The following RAB7B variants were observed in gnomAD, a reference collection of about 807,000 sequenced individuals.
RAB7B encodes RAB7B, member RAS oncogene family, also known as ras-related protein Rab-7b.
At chr1:205,988,567 A>T (rs1660658999) in intron 4 of RAB7B, among the ~76,000 whole-genome samples, 1 of 152,092 alleles carries the variant, frequency 6.6e-6, no homozygotes, top group Admixed American at 6.5e-5. Context: ...TTTTCTTCTT[A>T]TTAGGTAGGA....
chr1:206,001,002 C>G (rs1232437589), intron 1 of RAB7B, among the ~76,000 whole-genome samples: 1 of 152,216 alleles, frequency 6.6e-6, no homozygotes, highest in Non-Finnish European at 1.5e-5. Flanking sequence ...TGGTTCCTTT[C>G]CCCTAGATGC....
At chr1:205,993,630 G>T (rs1388155825) in intron 2 of RAB7B, 84 bp from the exon 3 acceptor site, 3 of 397,218 alleles carry the variant, frequency 7.6e-6, no homozygotes, top group Non-Finnish European at 1.3e-5. Flanking sequence ...AATCTTCCCA[G>T]GCCCCTCTTG....
At chr1:205,991,972 T>G (rs1481079980) in intron 4 of RAB7B, among the ~76,000 whole-genome samples, 1 of 152,196 alleles carries the variant, frequency 6.6e-6, no homozygotes, top group Non-Finnish European at 1.5e-5. Context: ...ATACAAAAAT[T>G]ATTACTTCCC....
In RAB7B at chr1:205,997,934, A is replaced by G. The variant is rs1660829914; in HGVS notation, c.-16-3783T>C. ...TGCAGTGGGCTGTGCTAAGTATTCT[A>G]CCGAGGGCAGGCCATCTTCACTATT... On this transcript the variant is annotated intron_variant, in intron 1 of 5. Coordinates refer to ENST00000617070, the MANE Select transcript of RAB7B (RefSeq NM_001164522.3). Among the ~76,000 whole-genome samples, 6 of 152,380 alleles carry G rather than the reference A, an allele frequency of 3.9e-5. No homozygotes were observed. In the South Asian group the frequency reaches 1.2e-3, roughly 32 times the overall value.
At chr1:206,001,275 G>A (rs1485729117) in intron 1 of RAB7B, among the ~76,000 whole-genome samples, 3 of 131,804 alleles carry the variant, frequency 2.3e-5, no homozygotes, top group African/African-American at 3.3e-5. Context: ...GGCAGTAGCC[G>A]TCTTTTTTTT....
At chr1:205,990,303 C>T (rs1262631321) in intron 4 of RAB7B, among the ~76,000 whole-genome samples, 1 of 152,210 alleles carries the variant, frequency 6.6e-6, no homozygotes. Flanking sequence ...AGAGGAGGAA[C>T]AGTTAAGGAC....
At position 205,992,453 on chromosome 1, in the gene RAB7B, T is replaced by C. The variant is rs36166614; in HGVS notation, c.396+27A>G. 5.7e-3 allele frequency: 2,257 copies of C among 398,678 alleles called. 36 individuals are homozygous for C. The Middle Eastern group carries it at 0.076, about 13-fold the overall frequency. The allele number at this position is 398,678 out of a possible 1,614,324, so 24.7% of individuals were successfully genotyped here. On this transcript the variant is annotated intron_variant, in intron 4 of 5. Transcript: ENST00000617070. ...ATAGTGGGTGCTCATATAATGTTTG[T>C]TGAATGAATAAATGAACGAACAGTA...
At chr1:205,989,808 C>T (rs932512946) in intron 4 of RAB7B, among the ~76,000 whole-genome samples, 3 of 152,152 alleles carry the variant, frequency 2.0e-5, no homozygotes, top group Non-Finnish European at 4.4e-5. Flanking sequence ...TGGTACCCTA[C>T]GGAGACCCCA....
At chr1:205,990,897 C>T (rs1660710355) in intron 4 of RAB7B, among the ~76,000 whole-genome samples, 1 of 149,860 alleles carries the variant, frequency 6.7e-6, no homozygotes, top group Non-Finnish European at 1.5e-5. Context: ...AAGCGATTCT[C>T]CTGCCTCATC....
At position 205,985,046 on chromosome 1, in the gene RAB7B, C is replaced by A. The variant is rs958997715; in HGVS notation, c.522+494G>T. On this transcript the variant is annotated intron_variant, in intron 5 of 5. Coordinates refer to ENST00000617070, the MANE Select transcript of RAB7B (RefSeq NM_001164522.3). ...CTCTTGAGACAGAGGGTCCTGAGGC[C>A]TGTACAGTGCCTGCCACACACTCAA... 1.3e-3 allele frequency among the ~76,000 whole-genome samples: 193 copies of A among 152,328 alleles called. 2 individuals are homozygous for A. Among genetic ancestry groups the A allele is most frequent in the Non-Finnish European group, 6.6e-4 (45 of 68,036 alleles).
At chr1:205,996,568 T>C (rs1660816078) in intron 1 of RAB7B, among the ~76,000 whole-genome samples, 1 of 152,188 alleles carries the variant, frequency 6.6e-6, no homozygotes, top group Non-Finnish European at 1.5e-5. Flanking sequence ...CTGGACCTCA[T>C]TGGCCATGAG....
chr1:205,977,435 C>T lies in RAB7B; in HGVS notation c.*1416G>A, dbSNP rs1182277751. On this transcript the variant is annotated 3_prime_UTR_variant, in exon 6 of 6. Coordinates refer to ENST00000617070, the MANE Select transcript of RAB7B (RefSeq NM_001164522.3). ...AGGCTTAAGAAATTGGAATTCTCTG[C>T]CTTACAAATCCCAAAGGGCTAAACA... is the stretch of plus-strand genomic sequence containing the variant. 1 of 152,194 alleles carries T rather than the reference C, an allele frequency of 6.6e-6. No homozygotes were observed. The highest frequency in any genetic ancestry group is 1.5e-5 in the Non-Finnish European group (1 of 68,038). 9.4% of individuals were successfully genotyped at this position (152,194 alleles called of 1,614,324 possible).
At chr1:205,987,919 G>GT (rs1367498425) in intron 4 of RAB7B, among the ~76,000 whole-genome samples, 10 of 151,596 alleles carry the variant, frequency 6.6e-5, no homozygotes, top group Admixed American at 6.6e-4. Flanking sequence ...GTTTTGTTTT[G>GT]TTTTTGGAGA....
rs939671057 is a variant in RAB7B at position 206,001,511 on chromosome 1, G to A, written c.-17+1742C>T. Among the ~76,000 whole-genome samples the A allele has an allele frequency of 1.7e-4, 26 of 152,212 alleles. 1 individual carries two copies. The South Asian group carries it at 4.4e-3, about 26-fold the overall frequency. ...GTAAAAAGTGTAGTGTTGTCACTAA[G>A]CCTCATTCCACCCACTCAGCTGACT... On this transcript the variant is annotated intron_variant, in intron 1 of 5. Transcript: ENST00000617070.
At chr1:205,986,397 C>T (rs1317569924) in intron 4 of RAB7B, among the ~76,000 whole-genome samples, 1 of 152,232 alleles carries the variant, frequency 6.6e-6, no homozygotes, top group African/African-American at 2.4e-5. Context: ...AGAGGTTCAG[C>T]AACTTGCCCC....
In RAB7B at chr1:205,977,561, G is replaced by C. The variant is rs1334766163; in HGVS notation, c.*1290C>G. The stretch of plus-strand genomic sequence containing the variant: ...ACTTTCTGCTCAGCCTGGAAGAGAA[G>C]GAGCACTGCTGCCCTCTGGTGGTCA... On this transcript the variant is annotated 3_prime_UTR_variant, in exon 6 of 6. Transcript: ENST00000617070. 6.6e-6 allele frequency: 1 copy of C among 152,188 alleles called. No individual in the cohort carries two copies. Among genetic ancestry groups the C allele is most frequent in the Non-Finnish European group, 1.5e-5 (1 of 68,032 alleles). The allele number at this position is 152,188 out of a possible 1,614,324, so 9.4% of individuals were successfully genotyped here.
In RAB7B at chr1:205,982,003, T is replaced by C. The variant is rs1333816614; in HGVS notation, c.523-3075A>G. Among the ~76,000 whole-genome samples, 8 of 152,308 alleles carry C rather than the reference T, an allele frequency of 5.3e-5. No individual in the cohort carries two copies. In the East Asian group the frequency reaches 9.7e-4, roughly 18 times the overall value. On this transcript the variant is annotated intron_variant, in intron 5 of 5. Coordinates refer to ENST00000617070, the MANE Select transcript of RAB7B (RefSeq NM_001164522.3). ...ACACCTACTCTGGTTTCTTTCACAATGTTAACACCTACTCCGGTCTCTTTC... is the reference window on the plus strand; with the variant it reads ...ACACCTACTCTGGTTTCTTTCACAACGTTAACACCTACTCCGGTCTCTTTC...
chr1:205,990,791 C>CCTTT (rs1553275455), intron 4 of RAB7B, among the ~76,000 whole-genome samples: 1 of 138,646 alleles, frequency 7.2e-6, no homozygotes, highest in Admixed American at 7.3e-5. Context: ...TTCTTTCTTT[C>CCTTT]TTTTTTTTTT....
chr1:206,002,864 C>T (rs1473728568), intron 1 of RAB7B, among the ~76,000 whole-genome samples: 13 of 152,352 alleles, frequency 8.5e-5, no homozygotes, highest in Non-Finnish European at 1.8e-4. Flanking sequence ...TCCCAGAAGG[C>T]ACTCTGTCAA....
Sources: allele counts gnomAD v4.1 joint callset (sites outside exome capture counted in the v4.1 genomes callset), GRCh38; gene constraint gnomAD v4.1.1; transcripts MANE v1.5; gene names NCBI Gene and HGNC (gene_info 2026-07-23, HGNC 2026-07-21).